The following VPS53 variants were observed in gnomAD, a reference collection of about 807,000 sequenced individuals.
The protein encoded by VPS53 is vacuolar protein sorting-associated protein 53 homolog.
In VPS53, 70 loss-of-function variants were observed where a neutral mutation model predicts 107.0. The observed-to-expected ratio is 0.65, with a 90% confidence interval of 0.54 to 0.80. VPS53 has a LOEUF of 0.80. Ranked by LOEUF, VPS53 falls within the 30% of genes least tolerant of loss-of-function variation. VPS53 has a pLI of 0.00. For synonymous variants in VPS53, 409 were observed against 393.3 expected (o/e 1.04, Z -0.47); for missense variants, 917 against 1,049.4 (o/e 0.87, Z 1.74).
chr17:627,240 C>A lies in VPS53; in HGVS notation c.908G>T (p.Gly303Val). 2 of 1,614,082 alleles carry A rather than the reference C, an allele frequency of 1.2e-6. No homozygotes were observed. Among genetic ancestry groups the A allele is most frequent in the Non-Finnish European group, 1.7e-6 (2 of 1,180,018 alleles). Residue 303 changes from glycine to valine, a missense_variant, in exon 10 of 22, where the codon GGC becomes GTC. Coordinates refer to ENST00000437048, the MANE Select transcript of VPS53 (RefSeq NM_001128159.3). ...RQLVDYEEKY[G>V]RMFPREWCMA... ...GCACCACTCACGTGGAAACATGCGGCCGTATTTCTCCTCATAGTCCACAAG... is the reference window on the plus strand; with the variant it reads ...GCACCACTCACGTGGAAACATGCGGACGTATTTCTCCTCATAGTCCACAAG...
chr17:636,922 C>A (rs527261675), intron 7 of VPS53, among the ~76,000 whole-genome samples: 1 of 152,154 alleles, frequency 6.6e-6, no homozygotes, highest in Non-Finnish European at 1.5e-5. Context: ...CAGGATGATG[C>A]TGGTCTCATA....
At chr17:603,568 A>G (rs12051571) in intron 11 of VPS53, among the ~76,000 whole-genome samples, 11,831 of 151,694 alleles carry the variant, frequency 0.078, 580 homozygotes, top group Non-Finnish European at 0.11. Context: ...GTGGACAGAT[A>G]CAGCCTCGGT....
At chr17:703,590 T>A (rs1282601738) in intron 2 of VPS53, among the ~76,000 whole-genome samples, 1 of 152,180 alleles carries the variant, frequency 6.6e-6, no homozygotes, top group Admixed American at 6.5e-5. Flanking sequence ...TTAGTTATAA[T>A]GTGGTTGTAC....
chr17:529,858 C>T (rs1433284312), intron 19 of VPS53, among the ~76,000 whole-genome samples: 1 of 144,790 alleles, frequency 6.9e-6, no homozygotes, highest in African/African-American at 2.8e-5. Context: ...GGAGGCAGAC[C>T]CTATATCTAC....
intron 13 of VPS53, among the ~76,000 whole-genome samples, chr17:568,617 G>A (rs542063263): frequency 6.6e-6 from 1 of 152,338 alleles, no homozygotes; most frequent in South Asian, 2.1e-4. Flanking sequence ...CTGGGGCTGA[G>A]GATGTTGCTC....
intron 7 of VPS53, among the ~76,000 whole-genome samples, chr17:648,613 T>C (rs12940438): frequency 0.36 from 54,543 of 151,866 alleles, 11,773 homozygotes; most frequent in African/African-American, 0.61. Context: ...ATTTGAGAAA[T>C]GCTAAAGAGA....
intron 10 of VPS53, among the ~76,000 whole-genome samples, chr17:625,587 A>G (rs1197488493): frequency 6.6e-6 from 1 of 151,946 alleles, no homozygotes; most frequent in Non-Finnish European, 1.5e-5. Flanking sequence ...TAGTTTCATG[A>G]GCTGTGATAA....
At position 544,027 on chromosome 17, in the gene VPS53, G is replaced by A. The variant is rs1319890172; in HGVS notation, c.1867-6851C>T. Among the ~76,000 whole-genome samples, 10 of 98,336 alleles carry A rather than the reference G, an allele frequency of 1.0e-4. No individual in the cohort carries two copies. In the South Asian group the frequency reaches 1.9e-3, roughly 18 times the overall value. 64.5% of individuals were successfully genotyped at this position (98,336 alleles called of 152,430 possible). ...GGAGGGAGGGAGTGAGGAAGGCAGG[G>A]AGGGAGGGAGGGAGGAAGGGAGGAA... On this transcript the variant is annotated intron_variant, in intron 17 of 21. Transcript: ENST00000437048.
chr17:705,795 T>A (rs2143985254), intron 2 of VPS53: 1 of 152,384 alleles, frequency 6.6e-6, no homozygotes, highest in Non-Finnish European at 1.5e-5. Flanking sequence ...TGCTAGCTAC[T>A]GAGGAGGCTG....
At chr17:560,324 T>G in intron 15 of VPS53, 102 bp downstream of exon 15, 2 of 1,433,994 alleles carry the variant, frequency 1.4e-6, no homozygotes, top group Admixed American at 2.5e-5. Context: ...TGACCCAAGG[T>G]TGTCTGTGGC....
intron 8 of VPS53, among the ~76,000 whole-genome samples, chr17:630,092 G>A (rs967927159): frequency 5.9e-5 from 9 of 152,044 alleles, no homozygotes; most frequent in East Asian, 3.9e-4. Flanking sequence ...TTGGGAGTTC[G>A]AAACCATCCT....
chr17:562,612 C>T lies in VPS53; in HGVS notation c.1447G>A (p.Val483Met). The T allele has an allele frequency of 1.2e-6, 2 of 1,613,962 alleles. No individual in the cohort carries two copies. The highest frequency in any genetic ancestry group is 8.5e-7 in the Non-Finnish European group (1 of 1,179,982). ...DLFVYYKKCM[V>M]QCSQLSTGEP... ...CCAGTACTGAGCTGAGAGCATTGCACCATGCACTTCTTGTAGTAGACAAAG... is the reference window on the plus strand; with the variant it reads ...CCAGTACTGAGCTGAGAGCATTGCATCATGCACTTCTTGTAGTAGACAAAG... The change falls in exon 14 of 22, where the codon GTG becomes ATG. Residue 483 changes from valine (V) to methionine (M), a missense_variant. By Grantham distance (21) the Val-to-Met change is conservative. Transcript: ENST00000437048.
At chr17:572,033 C>G (rs1200786175) in intron 13 of VPS53, among the ~76,000 whole-genome samples, 1 of 151,488 alleles carries the variant, frequency 6.6e-6, no homozygotes, top group Non-Finnish European at 1.5e-5. Flanking sequence ...GCCCCTCTGC[C>G]TGGCTGCCCA....
chr17:608,828 G>T (rs1968707234), intron 11 of VPS53, among the ~76,000 whole-genome samples: 1 of 151,608 alleles, frequency 6.6e-6, no homozygotes, highest in Non-Finnish European at 1.5e-5. Context: ...GCCCAGGCTG[G>T]TCTCAAACTC....
At chr17:696,669 G>A (rs189910185) in intron 4 of VPS53, among the ~76,000 whole-genome samples, 1 of 151,906 alleles carries the variant, frequency 6.6e-6, no homozygotes. Context: ...TTATTAAAGA[G>A]TATCTCCTCC....
At chr17:556,710 G>C (rs1912392724) in intron 15 of VPS53, among the ~76,000 whole-genome samples, 1 of 152,152 alleles carries the variant, frequency 6.6e-6, no homozygotes, top group African/African-American at 2.4e-5. Context: ...TACGTACCAG[G>C]CATTGTATTT....
intron 16 of VPS53, chr17:552,934 G>A (rs1378160350): frequency 2.6e-5 from 9 of 343,860 alleles, no homozygotes; most frequent in East Asian, 4.7e-5. Context: ...CGTGCCGCAC[G>A]CTGCTGTGTA....
At chr17:594,476 G>T (rs1967849986) in intron 12 of VPS53, among the ~76,000 whole-genome samples, 1 of 150,268 alleles carries the variant, frequency 6.7e-6, no homozygotes, top group Admixed American at 6.6e-5. Context: ...GGAGGAAGCT[G>T]GGAGATGGGA....
chr17:650,666 A>T (rs2143466589), intron 7 of VPS53, among the ~76,000 whole-genome samples: 1 of 152,338 alleles, frequency 6.6e-6, no homozygotes, highest in South Asian at 2.1e-4. Flanking sequence ...CAAGTATATA[A>T]AGCTTTGCTG....
Sources: gnomAD v4.1 joint callset for allele counts (sites outside exome capture counted in the v4.1 genomes callset) on GRCh38, gnomAD v4.1.1 for gene constraint, MANE v1.5 for transcripts, NCBI Gene and HGNC (gene_info 2026-07-23, HGNC 2026-07-21) for gene names.